HORMAD2: variants seen among roughly 807,000 people sequenced by gnomAD.
HORMAD2 encodes HORMA domain-containing protein 2.
HORMAD2 carries 45 observed loss-of-function variants against 38.8 expected under a neutral mutation model. The observed-to-expected ratio is 1.16, with a 90% CI of 0.91 to 1.49. The LOEUF (loss-of-function observed/expected upper bound fraction) is 1.49, where lower values mean the gene tolerates loss of function less well. Among genes scored for constraint, HORMAD2 ranks in the 40% most tolerant of loss-of-function variants. The pLI is 0.00. For synonymous variants in HORMAD2, 126 were observed against 122.8 expected, an observed-to-expected ratio of 1.03 and a Z score of -0.17; for missense variants, 338 against 367.0, an observed-to-expected ratio of 0.92 and a Z score of 0.65.
chr22:30,121,837 A>G, intron 9 of HORMAD2, 48 bp downstream of exon 9: 1 of 1,565,488 alleles, frequency 6.4e-7, no homozygotes, highest in South Asian at 1.2e-5. Flanking sequence ...CTGAGCTAAT[A>G]TTTTCTATAA....
intron 10 of HORMAD2, among the ~76,000 whole-genome samples, chr22:30,170,061 A>T (rs954365075): frequency 6.6e-6 from 1 of 152,198 alleles, no homozygotes; most frequent in Admixed American, 6.5e-5. Context: ...GGGAATCAAA[A>T]CTAACATCAG....
Position 30,147,024 on chromosome 22 carries a change from G to C in HORMAD2, c.819+24810G>C, listed in dbSNP as rs2146192303. ...TGTACAATGAAAACTACAAAATGTT[G>C]CTGAGAGAAATTAACGAAGACTTAA... On this transcript the variant is annotated intron_variant, in intron 10 of 10. Coordinates refer to ENST00000336726, the MANE Select transcript of HORMAD2 (RefSeq NM_152510.4). Among the ~76,000 whole-genome samples the C allele has an allele frequency of 2.0e-5, 3 of 152,240 alleles. No individual in the cohort carries two copies. In the Middle Eastern group the frequency reaches 0.01, roughly 518 times the overall value.
downstream of HORMAD2, among the ~76,000 whole-genome samples, chr22:30,180,828 CCTTCCCTTCTTCCCTTCT>C (rs1163251933): frequency 6.7e-6 from 1 of 148,526 alleles, no homozygotes; most frequent in Non-Finnish European, 1.5e-5. Context: ...TCCTTTCCCC[CCTTCCCTTCTTCCCTTCT>C]CTTCCCTTCT....
the HORMAD2 span, among the ~76,000 whole-genome samples, chr22:30,196,976 A>G: frequency 1.3e-5 from 2 of 152,182 alleles, no homozygotes; most frequent in Non-Finnish European, 2.9e-5. Context: ...TCCTTGGAAG[A>G]TTCTTACAGA....
chr22:30,124,743 A>G (rs1922713379), intron 10 of HORMAD2, among the ~76,000 whole-genome samples: 1 of 152,190 alleles, frequency 6.6e-6, no homozygotes. Context: ...TGCTATAAAC[A>G]TTCATGTACA....
chr22:30,102,813 A>T (rs1394514545), intron 3 of HORMAD2, among the ~76,000 whole-genome samples: 1 of 151,962 alleles, frequency 6.6e-6, no homozygotes, highest in Non-Finnish European at 1.5e-5. Context: ...TATTTTTTTT[A>T]GAGGTGAGGT....
At chr22:30,096,214 G>A (rs1283496357) in intron 2 of HORMAD2, among the ~76,000 whole-genome samples, 1 of 152,022 alleles carries the variant, frequency 6.6e-6, no homozygotes, top group Non-Finnish European at 1.5e-5. Flanking sequence ...TTTCCAGCAT[G>A]GGTCTATTAC....
the HORMAD2 span, among the ~76,000 whole-genome samples, chr22:30,188,808 A>G: frequency 1.3e-5 from 2 of 152,270 alleles, no homozygotes; most frequent in East Asian, 3.9e-4. Flanking sequence ...GTCCCCTTGT[A>G]ACCATTGCAG....
At chr22:30,079,863 A>G (rs1343746563), upstream of HORMAD2, among the ~76,000 whole-genome samples, 1 of 152,056 alleles carries the variant, frequency 6.6e-6, no homozygotes, top group Non-Finnish European at 1.5e-5. Context: ...TATTTTTTGT[A>G]GAGACGGGTT....
At chr22:30,104,304 T>C (rs1601520442) in intron 4 of HORMAD2, 97 bp from the exon 5 acceptor site, 1 of 883,470 alleles carries the variant, frequency 1.1e-6, no homozygotes, top group African/African-American at 1.7e-5. Flanking sequence ...ATCAACTTAA[T>C]GTACATCAAA....
At chr22:30,144,208 A>G (rs1293596076) in intron 10 of HORMAD2, among the ~76,000 whole-genome samples, 1 of 152,212 alleles carries the variant, frequency 6.6e-6, no homozygotes, top group Non-Finnish European at 1.5e-5. Flanking sequence ...TGTCCCAGGC[A>G]TATATTACTC....
At chr22:30,157,456 T>TG (rs1397283090) in intron 10 of HORMAD2, among the ~76,000 whole-genome samples, 2 of 152,090 alleles carry the variant, frequency 1.3e-5, no homozygotes, top group African/African-American at 4.8e-5. Flanking sequence ...CCTTTTTTTT[T>TG]TTTTAACAGT....
At chr22:30,153,738 A>T (rs1156729954) in intron 10 of HORMAD2, among the ~76,000 whole-genome samples, 2 of 152,190 alleles carry the variant, frequency 1.3e-5, no homozygotes, top group Non-Finnish European at 2.9e-5. Flanking sequence ...TCACTTTCTC[A>T]GTCTTTCCCA....
At chr22:30,111,848 C>T in intron 6 of HORMAD2, 32 bp downstream of exon 6, 1 of 1,540,126 alleles carries the variant, frequency 6.5e-7, no homozygotes, top group African/African-American at 1.4e-5. Context: ...GACCAAGCCT[C>T]TGTCTCTATT....
intron 10 of HORMAD2, among the ~76,000 whole-genome samples, chr22:30,169,037 C>G (rs552816924): frequency 1.4e-4 from 21 of 152,252 alleles, no homozygotes; most frequent in Non-Finnish European, 2.5e-4. Flanking sequence ...GCTTTATATC[C>G]CTGTACCTGT....
intron 5 of HORMAD2, among the ~76,000 whole-genome samples, chr22:30,107,541 G>A (rs1470052683): frequency 6.6e-6 from 1 of 152,086 alleles, no homozygotes; most frequent in Non-Finnish European, 1.5e-5. Flanking sequence ...TTGAACCCAG[G>A]AGTTTGAGAC....
intron 10 of HORMAD2, among the ~76,000 whole-genome samples, chr22:30,147,652 T>A (rs1482707083): frequency 6.6e-6 from 1 of 151,966 alleles, no homozygotes; most frequent in Non-Finnish European, 1.5e-5. Flanking sequence ...AAGACATTAT[T>A]AAGAAAATGA....
chr22:30,158,469 CTTTCT>C (rs887942945), intron 10 of HORMAD2, among the ~76,000 whole-genome samples: 6 of 151,536 alleles, frequency 4.0e-5, no homozygotes, highest in South Asian at 2.1e-4. Flanking sequence ...TCCTTTCTTT[CTTTCT>C]TTTCTTTTCT....
intron 10 of HORMAD2, among the ~76,000 whole-genome samples, chr22:30,163,435 G>GT (rs946281791): frequency 1.7e-4 from 26 of 151,464 alleles, no homozygotes; most frequent in African/African-American, 6.1e-4. Context: ...TTCTTTTTTT[G>GT]TTTTTTTGAG....
Sources: allele counts gnomAD v4.1 joint callset (sites outside exome capture counted in the v4.1 genomes callset), GRCh38; gene constraint gnomAD v4.1.1; transcripts MANE v1.5; gene names NCBI Gene and HGNC (gene_info 2026-07-23, HGNC 2026-07-21).